PRIM2: variants seen among roughly 807,000 people sequenced by gnomAD.
PRIM2 encodes the protein DNA primase subunit 2, also known as DNA primase large subunit.
A neutral mutation model predicts 67.3 loss-of-function variants in PRIM2; 39 were observed. The ratio of observed to expected loss-of-function variants is 0.58; its 90% CI spans 0.45 to 0.76. PRIM2 has a LOEUF of 0.76. Ranked by LOEUF, PRIM2 falls within the 30% of genes least tolerant of loss-of-function variation. The probability of loss-of-function intolerance (pLI) is 0.00; values close to 1 mark genes in which losing one functional copy is unlikely to be tolerated. For missense variants in PRIM2, 398 were observed against 598.7 expected (o/e 0.66, Z 3.50); for synonymous variants, 143 against 198.7 (o/e 0.72, Z 2.36).
rs371231616 is a variant in PRIM2, at chr6:57,363,358, C to T, written c.460-16543C>T. 8.2e-4 allele frequency among the ~76,000 whole-genome samples: 125 copies of T among 152,312 alleles called. 1 individual carries two copies. The highest frequency in any genetic ancestry group is 1.3e-3 in the Admixed American group (20 of 15,300). ...TGTTTATAAGTATAAAGGAGACATA[C>T]AAGAAAACATTAAATGTTCATCTTT... is the stretch of plus-strand genomic sequence containing the variant. On this transcript the variant is annotated intron_variant, in intron 5 of 13. Transcript: ENST00000615550.
chr6:57,374,304 T>TTTATTTA lies in PRIM2; in HGVS notation c.460-5595_460-5594insATTTATT, dbSNP rs1491303703. Among the ~76,000 whole-genome samples, 1,159 of 123,272 alleles carry TTTATTTA rather than the reference T, an allele frequency of 9.4e-3. 17 individuals carry two copies. The highest frequency in any genetic ancestry group is 0.034 in the African/African-American group (1,039 of 30,412). 80.9% of individuals were successfully genotyped at this position (123,272 alleles called of 152,430 possible). ...ATTTATTTATTTATTTATTTATTTA[T>TTTATTTA]TTTTTTTGAGACGGAGTTTCGCTCT... On this transcript the variant is annotated intron_variant, in intron 5 of 13. Coordinates refer to ENST00000615550, the MANE Select transcript of PRIM2 (RefSeq NM_000947.5).
intron 7 of PRIM2, among the ~76,000 whole-genome samples, chr6:57,492,372 A>C (rs1223141930): frequency 1.3e-5 from 2 of 151,778 alleles, no homozygotes; most frequent in African/African-American, 2.4e-5. Context: ...GTGAAACCCT[A>C]TCTCTACTAA....
intron 8 of PRIM2, among the ~76,000 whole-genome samples, chr6:57,516,080 A>T (rs1774481866): frequency 6.6e-6 from 1 of 151,338 alleles, no homozygotes; most frequent in Non-Finnish European, 1.5e-5. Context: ...GAGCCTTCCC[A>T]TGCTTCAGAT....
the PRIM2 span, among the ~76,000 whole-genome samples, chr6:57,302,495 C>T: frequency 1.8e-4 from 28 of 152,296 alleles, 1 homozygote; most frequent in East Asian, 4.4e-3. Flanking sequence ...TGGTTATCCA[C>T]TTATGGTTAA....
At chr6:57,444,358 A>G (rs1581910482) in intron 7 of PRIM2, among the ~76,000 whole-genome samples, 3 of 152,180 alleles carry the variant, frequency 2.0e-5, no homozygotes, top group Admixed American at 6.5e-5. Flanking sequence ...CACTAGGTCA[A>G]GAGTTCGAGA....
Position 57,552,214 on chromosome 6 carries a change from A to C in PRIM2, c.1020+14589A>C, listed in dbSNP as rs1775418986. Among the ~76,000 whole-genome samples the C allele has an allele frequency of 2.0e-5, 3 of 152,184 alleles. No homozygotes were observed. In the South Asian group the frequency reaches 6.2e-4, roughly 32 times the overall value. On this transcript the variant is annotated intron_variant, in intron 10 of 13. Coordinates refer to ENST00000615550, the MANE Select transcript of PRIM2 (RefSeq NM_000947.5). ...ATGTAGCTTAAGTCAGGTGAGAAGC[A>C]CTGGCTTGGTGGCCTGGGCTTACAT...
the PRIM2 span, among the ~76,000 whole-genome samples, chr6:57,251,982 T>TAA: frequency 1.3e-5 from 2 of 152,236 alleles, no homozygotes; most frequent in Non-Finnish European, 2.9e-5. Context: ...AAGCAACCTT[T>TAA]AACCTTGCTT....
chr6:57,262,661 T>G, the PRIM2 span, among the ~76,000 whole-genome samples: 23 of 152,240 alleles, frequency 1.5e-4, no homozygotes, highest in South Asian at 4.4e-3. Flanking sequence ...AAGCCTCCAT[T>G]TGGCCTCTGT....
chr6:57,264,260 T>C, the PRIM2 span, among the ~76,000 whole-genome samples: 2 of 152,210 alleles, frequency 1.3e-5, no homozygotes, highest in Non-Finnish European at 2.9e-5. Context: ...CAGTGTTGGG[T>C]GGTGCAGTAC....
chr6:57,295,627 A>G, the PRIM2 span, among the ~76,000 whole-genome samples: 1 of 152,208 alleles, frequency 6.6e-6, no homozygotes, highest in Non-Finnish European at 1.5e-5. Context: ...GAGGTGATAG[A>G]AAATACAAAT....
upstream of PRIM2, among the ~76,000 whole-genome samples, chr6:57,311,094 G>A (rs1370367707): frequency 6.7e-6 from 1 of 148,658 alleles, no homozygotes; most frequent in Non-Finnish European, 1.5e-5. Flanking sequence ...CCCAGACGGG[G>A]TGGTGGCCGG....
At chr6:57,536,935 C>T (rs1480283781) in intron 9 of PRIM2, among the ~76,000 whole-genome samples, 1 of 139,188 alleles carries the variant, frequency 7.2e-6, no homozygotes, top group Admixed American at 6.9e-5. Context: ...GATGTATGAA[C>T]CTACATGTGA....
chr6:57,436,107 T>C (rs1339060889), intron 7 of PRIM2, among the ~76,000 whole-genome samples: 1 of 152,224 alleles, frequency 6.6e-6, no homozygotes, highest in Non-Finnish European at 1.5e-5. Context: ...CGTCTTCTCT[T>C]TTCCTGTTTA....
intron 13 of PRIM2, among the ~76,000 whole-genome samples, chr6:57,642,729 C>CGG (rs1777267951): frequency 6.6e-6 from 1 of 152,132 alleles, no homozygotes; most frequent in South Asian, 2.1e-4. Context: ...GCGTGAGCCA[C>CGG]CACGCCCAGC....
chr6:57,532,790 A>C (rs1222710942), intron 9 of PRIM2, among the ~76,000 whole-genome samples: 1 of 152,206 alleles, frequency 6.6e-6, no homozygotes, highest in Non-Finnish European at 1.5e-5. Context: ...TAAAGGGGAA[A>C]TGGAAAACAC....
At chr6:57,358,574 A>G (rs560659408) in intron 5 of PRIM2, among the ~76,000 whole-genome samples, 1 of 152,316 alleles carries the variant, frequency 6.6e-6, no homozygotes, top group Admixed American at 6.5e-5. Context: ...TTCATCTTGA[A>G]GCTTTCATGT....
intron 7 of PRIM2, among the ~76,000 whole-genome samples, chr6:57,409,330 C>T (rs1415027306): frequency 5.9e-5 from 9 of 152,046 alleles, no homozygotes; most frequent in Non-Finnish European, 2.9e-5. Context: ...TGCCCACCAC[C>T]GCACCGGCTA....
At chr6:57,610,805 G>A (rs1461162528) in intron 12 of PRIM2, among the ~76,000 whole-genome samples, 2 of 152,154 alleles carry the variant, frequency 1.3e-5, no homozygotes, top group African/African-American at 4.8e-5. Flanking sequence ...AGAAGAAGCA[G>A]GCAGAAAGTC....
intron 12 of PRIM2, among the ~76,000 whole-genome samples, chr6:57,608,614 C>T (rs1776603886): frequency 6.6e-6 from 1 of 151,106 alleles, no homozygotes; most frequent in Non-Finnish European, 1.5e-5. Flanking sequence ...GCCTCAGCTA[C>T]TCAGGAGGCA....
Sources: gnomAD v4.1 joint callset for allele counts (sites outside exome capture counted in the v4.1 genomes callset) on GRCh38, gnomAD v4.1.1 for gene constraint, MANE v1.5 for transcripts, NCBI Gene and HGNC (gene_info 2026-07-23, HGNC 2026-07-21) for gene names.